The following LGR5 variants were observed in gnomAD, a reference collection of about 807,000 sequenced individuals.
LGR5 encodes the protein leucine rich repeat containing G protein-coupled receptor 5.
A neutral mutation model predicts 76.7 loss-of-function variants in LGR5; 54 were observed. The ratio of observed to expected loss-of-function variants is 0.70; its 90% CI spans 0.57 to 0.88. The LOEUF (loss-of-function observed/expected upper bound fraction) is 0.88. Ranked by LOEUF, LGR5 falls within the 40% of genes least tolerant of loss-of-function variation. The pLI is 0.00. For missense variants in LGR5, 1,078 were observed against 1,073.3 expected (o/e 1.00, Z -0.06); for synonymous variants, 406 against 421.9 (o/e 0.96, Z 0.46).
At chr12:71,531,559 G>A (rs1046013756) in intron 3 of LGR5, among the ~76,000 whole-genome samples, 7 of 152,080 alleles carry the variant, frequency 4.6e-5, no homozygotes, top group African/African-American at 1.4e-4. Flanking sequence ...AGGAGGTAAC[G>A]TGGGGGTAGC....
chr12:71,476,111 G>A (rs11178820), intron 1 of LGR5, among the ~76,000 whole-genome samples: 45,401 of 151,906 alleles, frequency 0.3, 7,673 homozygotes, highest in East Asian at 0.51. Context: ...CAGATTAATA[G>A]GTGGACAGTA....
intron 4 of LGR5, among the ~76,000 whole-genome samples, chr12:71,540,696 A>T (rs971880462): frequency 6.6e-6 from 1 of 152,182 alleles, no homozygotes; most frequent in Non-Finnish European, 1.5e-5. Flanking sequence ...AGGAGGTAAG[A>T]CAAGCCTAGA....
At chr12:71,555,778 G>GA (rs1247068079) in intron 5 of LGR5, among the ~76,000 whole-genome samples, 1 of 152,122 alleles carries the variant, frequency 6.6e-6, no homozygotes, top group East Asian at 1.9e-4. Flanking sequence ...ACTCCTCAAA[G>GA]ACCTAAAGAC....
In LGR5 at chr12:71,584,050, C is replaced by T; in HGVS notation, c.2040C>T (p.Ser680=). The change falls in exon 18 of 18, where the codon AGC becomes AGT. Residue 680 remains serine (S), a synonymous_variant. Transcript: ENST00000266674. Reference sequence around the variant, plus strand: ...TTGAAACGAAAGCTCCATTTTCTAGCCTGAAAGTAATCATTTTGCTCTGTG... The same window carrying T: ...TTGAAACGAAAGCTCCATTTTCTAGTCTGAAAGTAATCATTTTGCTCTGTG... ...AKFETKAPFS[S]LKVIILLCAL... 6.2e-7 allele frequency: 1 copy of T among 1,614,224 alleles called. No individual in the cohort carries two copies. Among genetic ancestry groups the T allele is most frequent in the Middle Eastern group, 1.6e-4 (1 of 6,062 alleles).
intron 8 of LGR5, among the ~76,000 whole-genome samples, chr12:71,563,770 C>T (rs1269238931): frequency 2.0e-5 from 3 of 152,100 alleles, no homozygotes; most frequent in Admixed American, 6.6e-5. Flanking sequence ...GAGTTCCCTC[C>T]TGAGAACCCT....
chr12:71,574,007 A>G (rs1878736521), intron 13 of LGR5, among the ~76,000 whole-genome samples: 1 of 151,938 alleles, frequency 6.6e-6, no homozygotes. Context: ...GTAAGTGAAT[A>G]AGACTTACCT....
At chr12:71,514,080 T>C (rs764262652) in intron 2 of LGR5, among the ~76,000 whole-genome samples, 2 of 151,396 alleles carry the variant, frequency 1.3e-5, no homozygotes, top group South Asian at 4.2e-4. Context: ...AAGCCCAGGA[T>C]CTTAAAAAAC....
Position 71,524,450 on chromosome 12 carries a change from T to C in LGR5, c.329T>C (p.Phe110Ser), listed in dbSNP as rs1027668699. The stretch of plus-strand genomic sequence containing the variant: ...CTGACATACATTCCCAAGGGAGCAT[T>C]CACTGGCCTTTACAGTCTTAAAGTT... ...NALTYIPKGA[F>S]TGLYSLKVLM... The change falls in exon 3 of 18, where the codon TTC becomes TCC. Residue 110 changes from phenylalanine to serine, a missense_variant. Transcript: ENST00000266674. 2 of 1,612,954 alleles carry C rather than the reference T, an allele frequency of 1.2e-6. No homozygotes were observed. Among genetic ancestry groups the C allele is most frequent in the African/African-American group, 2.7e-5 (2 of 74,874 alleles).
intron 4 of LGR5, among the ~76,000 whole-genome samples, chr12:71,549,727 G>A (rs1877380582): frequency 6.6e-6 from 1 of 152,126 alleles, no homozygotes; most frequent in Non-Finnish European, 1.5e-5. Context: ...ATCATTTATT[G>A]AGAGCTTCTT....
intron 2 of LGR5, among the ~76,000 whole-genome samples, chr12:71,516,514 G>A (rs1875448581): frequency 6.6e-6 from 1 of 152,016 alleles, no homozygotes; most frequent in Non-Finnish European, 1.5e-5. Flanking sequence ...TCCATCCTCA[G>A]TACTCCCCAG....
chr12:71,480,201 T>C lies in LGR5; in HGVS notation c.213-24413T>C, dbSNP rs550830677. Among the ~76,000 whole-genome samples the C allele has an allele frequency of 1.5e-3, 232 of 151,908 alleles. 2 individuals are homozygous for C. The highest frequency in any genetic ancestry group is 5.4e-3 in the African/African-American group (225 of 41,410). On this transcript the variant is annotated intron_variant, in intron 1 of 17. Transcript: ENST00000266674. ...CAACATGACGAAACCCCGTCTCTAC[T>C]AAAAATACAAAAATTACCCGGATGT...
At chr12:71,459,571 T>C (rs538581388) in intron 1 of LGR5, among the ~76,000 whole-genome samples, 1 of 152,230 alleles carries the variant, frequency 6.6e-6, no homozygotes, top group South Asian at 2.1e-4. Context: ...ATTCAACTGA[T>C]ATTTGTTCCT....
At chr12:71,484,028 G>A (rs1873723858) in intron 1 of LGR5, among the ~76,000 whole-genome samples, 1 of 152,146 alleles carries the variant, frequency 6.6e-6, no homozygotes, top group Non-Finnish European at 1.5e-5. Flanking sequence ...AGTTTAATTT[G>A]AGATGTGTTA....
In LGR5 at chr12:71,553,270, T is replaced by G; in HGVS notation, c.626T>G (p.Leu209Arg). 6 of 1,613,804 alleles carry G rather than the reference T, an allele frequency of 3.7e-6. No homozygotes were observed. Among genetic ancestry groups the G allele is most frequent in the Non-Finnish European group, 4.2e-6 (5 of 1,179,808 alleles). Residue 209 changes from leucine (L) to arginine (R), a missense_variant, in exon 5 of 18, where the codon CTC becomes CGC. By Grantham distance (102) the Leu-to-Arg change is moderately radical. Transcript: ENST00000266674. ...ATACCAGACTATGCCTTTGGAAACC[T>G]CTCCAGCTTGGTAGTTCTGTAAGTT... ...HHIPDYAFGN[L>R]SSLVVLHLHN...
chr12:71,475,797 C>T (rs1307542589), intron 1 of LGR5, among the ~76,000 whole-genome samples: 1 of 152,068 alleles, frequency 6.6e-6, no homozygotes, highest in Non-Finnish European at 1.5e-5. Flanking sequence ...GAGATTAATT[C>T]CTAATCAGCT....
chr12:71,540,389 T>G (rs753177759), intron 4 of LGR5, among the ~76,000 whole-genome samples: 4 of 152,292 alleles, frequency 2.6e-5, no homozygotes, highest in South Asian at 2.1e-4. Context: ...AAAGAAGAAT[T>G]AAACATATCT....
intron 3 of LGR5, among the ~76,000 whole-genome samples, chr12:71,525,545 T>C (rs1166100573): frequency 6.6e-6 from 1 of 151,948 alleles, no homozygotes; most frequent in Non-Finnish European, 1.5e-5. Context: ...CCAAAAAAAT[T>C]TGGAACCATT....
chr12:71,559,839 T>A (rs1477028880), intron 7 of LGR5, among the ~76,000 whole-genome samples, 185 bp downstream of exon 7: 1 of 152,228 alleles, frequency 6.6e-6, no homozygotes, highest in Non-Finnish European at 1.5e-5. Context: ...ATAATATTTT[T>A]TATTTATGCG....
At chr12:71,458,141 G>A (rs1278556879) in intron 1 of LGR5, among the ~76,000 whole-genome samples, 1 of 151,734 alleles carries the variant, frequency 6.6e-6, no homozygotes, top group East Asian at 1.9e-4. Flanking sequence ...TTTTTTTCTT[G>A]TTGATATGAC....
Sources: gnomAD v4.1 joint callset for allele counts (sites outside exome capture counted in the v4.1 genomes callset) on GRCh38, gnomAD v4.1.1 for gene constraint, MANE v1.5 for transcripts, NCBI Gene and HGNC (gene_info 2026-07-23, HGNC 2026-07-21) for gene names.